Variants in JAKMIP3 observed in about 807,000 individuals in gnomAD.
JAKMIP3 encodes the protein Janus kinase and microtubule interacting protein 3.
A neutral mutation model predicts 118.5 loss-of-function variants in JAKMIP3; 58 were observed. The observed-to-expected ratio is 0.49, with a 90% CI of 0.40 to 0.61. The LOEUF (loss-of-function observed/expected upper bound fraction) is 0.61. Among genes scored for constraint, JAKMIP3 ranks in the 20% least tolerant of loss-of-function variants. The pLI is 0.00. For missense variants in JAKMIP3, 950 were observed against 1,109.0 expected, an observed-to-expected ratio of 0.86 and a Z score of 2.04; for synonymous variants, 486 against 451.2, an observed-to-expected ratio of 1.08 and a Z score of -0.98.
In JAKMIP3 at chr10:132,179,948, A is replaced by T. The variant is rs1466955367; in HGVS notation, c.*1104-2409A>T. 6.6e-6 allele frequency among the ~76,000 whole-genome samples: 1 copy of T among 152,140 alleles called. No homozygotes were observed. The highest frequency in any genetic ancestry group is 2.4e-5 in the African/African-American group (1 of 41,428). ...TGCACACGGGGCACACACTCCCTCCAGCAGCAAAACACAGCCCCATATATG... is the reference window on the plus strand; with the variant it reads ...TGCACACGGGGCACACACTCCCTCCTGCAGCAAAACACAGCCCCATATATG... On this transcript the variant is annotated intron_variant, in intron 23 of 23. Coordinates refer to ENST00000684848, the MANE Select transcript of JAKMIP3 (RefSeq NM_001323087.2). The surrounding 1 kb of genome is among the most constrained non-coding windows in gnomAD (Gnocchi z 4.3).
intron 1 of JAKMIP3, among the ~76,000 whole-genome samples, chr10:132,093,931 A>AT (rs35838926): frequency 0.062 from 6,374 of 103,608 alleles, 396 homozygotes; most frequent in African/African-American, 0.12. Flanking sequence ...TCTTGTATCT[A>AT]TTTTTTTTTT....
intron 3 of JAKMIP3, among the ~76,000 whole-genome samples, chr10:132,131,194 G>A (rs1305383181): frequency 6.6e-6 from 1 of 151,392 alleles, no homozygotes; most frequent in Admixed American, 6.6e-5. Context: ...GGAGTATGGG[G>A]GCGTTGTGGG....
At chr10:132,123,389 C>T (rs527580458) in intron 3 of JAKMIP3, among the ~76,000 whole-genome samples, 5 of 152,346 alleles carry the variant, frequency 3.3e-5, no homozygotes, top group South Asian at 2.1e-4. Flanking sequence ...ACGCAAAAGC[C>T]AGTTTCTCCT....
Position 132,104,876 on chromosome 10 carries a change from C to A in JAKMIP3, c.68C>A (p.Ala23Glu), listed in dbSNP as rs755706630. The A allele has an allele frequency of 1.3e-6, 2 of 1,571,086 alleles. No homozygotes were observed. Among genetic ancestry groups the A allele is most frequent in the Non-Finnish European group, 1.7e-6 (2 of 1,158,922 alleles). ...DKAEALAALQ[A>E]ANEDLRAKLT... ...GCAGAGGCCCTCGCGGCGCTGCAGG[C>A]GGCCAACGAGGATCTTCGAGCCAAG... The change falls in exon 2 of 24, where the codon GCG becomes GAG. Residue 23 changes from alanine (A) to glutamate (E), a missense_variant. Physicochemically the swap from Ala to Glu is moderately radical, Grantham distance 107 (BLOSUM62 -1). Coordinates refer to ENST00000684848, the MANE Select transcript of JAKMIP3 (RefSeq NM_001323087.2).
chr10:132,139,049 A>AGAGTGTGT (rs71228743), intron 9 of JAKMIP3, among the ~76,000 whole-genome samples: 11,036 of 150,086 alleles, frequency 0.074, 450 homozygotes, highest in Non-Finnish European at 0.082. Context: ...CTTTATGTTG[A>AGAGTGTGT]GTGTGTGTGT....
At chr10:132,177,585 T>C (rs1387938734) in intron 23 of JAKMIP3, among the ~76,000 whole-genome samples, 1 of 140,610 alleles carries the variant, frequency 7.1e-6, no homozygotes, top group Non-Finnish European at 1.5e-5. Context: ...GTGCCCTGGG[T>C]AGGGTGCATG....
rs184455392 is a variant in JAKMIP3 at position 132,117,811 on chromosome 10, G to A, written c.633+237G>A. 3.9e-3 allele frequency among the ~76,000 whole-genome samples: 592 copies of A among 152,232 alleles called. 4 individuals carry two copies. The highest frequency in any genetic ancestry group is 6.8e-3 in the Middle Eastern group (2 of 294). On this transcript the variant is annotated intron_variant, in intron 3 of 23. Transcript: ENST00000684848. The surrounding 1 kb of genome is among the most constrained non-coding windows in gnomAD (Gnocchi z 8.6). ...TTCAGACCCACAGTCAGGCCCGCAC[G>A]GGGCAGGCCAGACTCTCACCTCCCC...
In JAKMIP3 at chr10:132,117,537, G is replaced by A. The variant is rs529801344; in HGVS notation, c.596G>A (p.Arg199His). The change falls in exon 3 of 24, where the codon CGC (arginine) becomes CAC (histidine). Residue 199 changes from arginine to histidine, a missense_variant. Transcript: ENST00000684848. This position sits in a 1 kb window ranked among gnomAD's most constrained non-coding sequence, Gnocchi z 8.6. Reference protein sequence around the residue: ...VYHLHQEEITRIKKECEREIR... With the variant: ...VYHLHQEEITHIKKECEREIR... ...CACCTGCACCAGGAGGAGATCACCC[G>A]CATCAAGAAGGAGTGCGAGCGGGAG... 3.4e-5 allele frequency: 54 copies of A among 1,585,562 alleles called. No homozygotes were observed. Among genetic ancestry groups the A allele is most frequent in the South Asian group, 3.2e-4 (28 of 88,252 alleles).
chr10:132,062,402 CAG>C (rs1461055517), upstream of JAKMIP3, among the ~76,000 whole-genome samples: 5 of 152,318 alleles, frequency 3.3e-5, no homozygotes, highest in Middle Eastern at 6.8e-3. Context: ...GAGATGCAGA[CAG>C]GGGTGCTCGT....
chr10:132,068,793 A>G (rs369563757), intron 1 of JAKMIP3, among the ~76,000 whole-genome samples: 1 of 152,160 alleles, frequency 6.6e-6, no homozygotes, highest in Non-Finnish European at 1.5e-5. Context: ...ACCCCAGGAC[A>G]TGACATCAGG....
chr10:132,060,431 C>G (rs2038359205), upstream of JAKMIP3, among the ~76,000 whole-genome samples: 1 of 152,052 alleles, frequency 6.6e-6, no homozygotes, highest in African/African-American at 2.4e-5. Context: ...ACTTGCAGCA[C>G]CCATTTACAA....
chr10:132,116,416 TGTGA>T (rs2047666243), intron 2 of JAKMIP3, among the ~76,000 whole-genome samples: 1 of 141,654 alleles, frequency 7.1e-6, no homozygotes, highest in Non-Finnish European at 1.5e-5. Flanking sequence ...CACATTCAGG[TGTGA>T]GTGTGTGCAA....
intron 3 of JAKMIP3, among the ~76,000 whole-genome samples, chr10:132,124,554 C>T (rs74161726): frequency 4.7e-5 from 7 of 150,516 alleles, no homozygotes; most frequent in Non-Finnish European, 6.0e-5. Flanking sequence ...CCAGCCGCAT[C>T]GCACACGTCC....
At chr10:132,180,646 C>CAT (rs1565019766) in intron 23 of JAKMIP3, among the ~76,000 whole-genome samples, 215 of 8,288 alleles carry the variant, frequency 0.026, 14 homozygotes, top group South Asian at 0.043. Flanking sequence ...TGCGTGTGTG[C>CAT]GTGTGCGTGT....
At chr10:132,036,645 C>T (rs1242891983), upstream of JAKMIP3, among the ~76,000 whole-genome samples, 1 of 150,716 alleles carries the variant, frequency 6.6e-6, no homozygotes, top group Admixed American at 6.6e-5. Context: ...GGCTCCTGCC[C>T]GCGGTGACGG....
chr10:132,065,704 CCGTGCAGA>C (rs2038674406), upstream of JAKMIP3, among the ~76,000 whole-genome samples: 1 of 152,254 alleles, frequency 6.6e-6, no homozygotes, highest in Admixed American at 6.5e-5. This position sits in a 1 kb window ranked among gnomAD's most constrained non-coding sequence, Gnocchi z 5.6. Flanking sequence ...GGCCGCCCGG[CCGTGCAGA>C]GCTGCGGGCC....
chr10:132,074,856 T>C (rs2040524247), intron 1 of JAKMIP3, among the ~76,000 whole-genome samples: 1 of 152,190 alleles, frequency 6.6e-6, no homozygotes, highest in Non-Finnish European at 1.5e-5. Flanking sequence ...TTTTTGCATA[T>C]GATGAGAGGT....
intron 11 of JAKMIP3, chr10:132,144,466 G>A (rs1220210906): frequency 2.0e-5 from 3 of 152,396 alleles, no homozygotes; most frequent in Non-Finnish European, 4.4e-5. Context: ...CTCGAACAAA[G>A]CCCTCTGGCC....
chr10:132,136,887 G>A (rs993095866), intron 6 of JAKMIP3, 132 bp from the exon 7 acceptor site: 2 of 981,796 alleles, frequency 2.0e-6, no homozygotes, highest in East Asian at 2.6e-5. Context: ...TCTGAGGCCT[G>A]AGCAGAGGCC....
Sources: gnomAD v4.1 joint callset for allele counts (sites outside exome capture counted in the v4.1 genomes callset) on GRCh38, gnomAD v4.1.1 for gene constraint, Gnocchi (gnomAD v3.1) non-coding constraint, MANE v1.5 for transcripts, NCBI Gene and HGNC (gene_info 2026-07-23, HGNC 2026-07-21) for gene names.